CPM: variants seen among roughly 807,000 people sequenced by gnomAD.
The protein encoded by CPM is renal carboxypeptidase.
Under a neutral mutation model 46.4 loss-of-function variants are expected in CPM, and 35 were observed. The observed-to-expected ratio is 0.75, with a 90% CI of 0.58 to 1.00. CPM has a LOEUF of 1.00. Ranked by LOEUF, CPM falls within the 50% of genes least tolerant of loss-of-function variation. CPM has a pLI of 0.00. For missense variants in CPM, 422 were observed against 530.4 expected (o/e 0.80, Z 2.01); for synonymous variants, 195 against 195.3 (o/e 1.00, Z 0.01).
chr12:68,848,719 GT>G, downstream of CPM: 1 of 152,034 alleles, frequency 6.6e-6, no homozygotes. Flanking sequence ...TAAGCTTTTT[GT>G]TTTTTTGGGG....
intron 1 of CPM, among the ~76,000 whole-genome samples, chr12:68,939,178 G>T (rs1888721617): frequency 6.9e-6 from 1 of 144,580 alleles, no homozygotes; most frequent in African/African-American, 2.5e-5. Flanking sequence ...ATATGTATAT[G>T]TTATGTATAT....
chr12:68,916,733 A>G (rs1253774208), intron 2 of CPM, among the ~76,000 whole-genome samples: 1 of 151,996 alleles, frequency 6.6e-6, no homozygotes, highest in African/African-American at 2.4e-5. Flanking sequence ...TACTATAAAT[A>G]CAAAAATTAG....
chr12:68,896,924 T>C (rs1471124348), intron 2 of CPM, among the ~76,000 whole-genome samples: 1 of 148,502 alleles, frequency 6.7e-6, no homozygotes. Context: ...AAAAAAAAAA[T>C]AGAGGAAAAA....
chr12:68,923,401 G>A (rs1185424770), intron 2 of CPM, among the ~76,000 whole-genome samples: 5 of 152,088 alleles, frequency 3.3e-5, no homozygotes, highest in East Asian at 1.9e-4. Context: ...AGATACACAC[G>A]TTCAGGGATT....
At chr12:68,955,818 C>G (rs1374284971) in intron 1 of CPM, among the ~76,000 whole-genome samples, 1 of 152,116 alleles carries the variant, frequency 6.6e-6, no homozygotes, top group Admixed American at 6.5e-5. Context: ...GGGGTTTATA[C>G]AGGCTTTAGA....
intron 1 of CPM, among the ~76,000 whole-genome samples, chr12:68,953,446 T>C (rs1888967718): frequency 6.6e-6 from 1 of 152,246 alleles, no homozygotes; most frequent in East Asian, 1.9e-4. Context: ...CAGTCCTATA[T>C]CCCTGTATTT....
intron 5 of CPM, chr12:68,845,232 A>G (rs1407281070): frequency 4.6e-6 from 1 of 216,874 alleles, no homozygotes; most frequent in Non-Finnish European, 9.3e-6. Flanking sequence ...TCTTCAGCTT[A>G]AAAAATTGTT....
chr12:68,857,646 G>A (rs1379966416), intron 8 of CPM, among the ~76,000 whole-genome samples: 1 of 152,022 alleles, frequency 6.6e-6, no homozygotes, highest in African/African-American at 2.4e-5. Flanking sequence ...AATGGGGAAT[G>A]ACATTTACAT....
chr12:68,843,622 A>G (rs1171290958), intron 5 of CPM: 8 of 226,196 alleles, frequency 3.5e-5, no homozygotes, highest in East Asian at 1.3e-4. Context: ...AATAAAATCA[A>G]CTGAACTGTA....
chr12:68,961,298 C>T (rs905337407), intron 1 of CPM, among the ~76,000 whole-genome samples: 1 of 152,018 alleles, frequency 6.6e-6, no homozygotes, highest in African/African-American at 2.4e-5. Flanking sequence ...GGCACATGCC[C>T]CCATGCCTGG....
At chr12:68,912,615 T>C (rs1057406772) in intron 2 of CPM, among the ~76,000 whole-genome samples, 1 of 152,186 alleles carries the variant, frequency 6.6e-6, no homozygotes, top group Non-Finnish European at 1.5e-5. Context: ...CACCATGACC[T>C]ATGAGCCCAC....
intron 1 of CPM, among the ~76,000 whole-genome samples, chr12:68,950,512 C>T (rs891889869): frequency 5.3e-5 from 8 of 152,124 alleles, no homozygotes; most frequent in Non-Finnish European, 7.4e-5. Context: ...TTGATTGGGC[C>T]ACAGCAGAAG....
chr12:68,954,743 T>C (rs75969557), intron 1 of CPM, among the ~76,000 whole-genome samples: 2 of 150,392 alleles, frequency 1.3e-5, no homozygotes, highest in Admixed American at 1.3e-4. Flanking sequence ...AAAAAAGCAA[T>C]TTTTTTTTAG....
chr12:68,957,689 G>GATTATTATTATTATTATTATT (rs58290286), intron 1 of CPM: 2 of 151,746 alleles, frequency 1.3e-5, no homozygotes, highest in African/African-American at 4.9e-5. Context: ...CTAAAAAGGG[G>GATTATTATTATTATTATTATT]ATTATTATTA....
chr12:68,845,710 C>A, intron 5 of CPM: 1 of 169,106 alleles, frequency 5.9e-6, no homozygotes, highest in Middle Eastern at 2.5e-3. Flanking sequence ...GTCCAGCCAA[C>A]AGCTTAAAGC....
chr12:68,913,708 C>T, intron 2 of CPM: 1 of 365,948 alleles, frequency 2.7e-6, no homozygotes, highest in Non-Finnish European at 5.3e-6. Context: ...GCAAAGGTTC[C>T]TGGTCAATGT....
chr12:68,866,992 G>C lies in CPM; in HGVS notation c.844C>G (p.Leu282Val), dbSNP rs768420844. Residue 282 changes from leucine to valine, a missense_variant, in exon 7 of 9, where the codon CTG (leucine) becomes GTG (valine). Coordinates refer to ENST00000551568, the MANE Select transcript of CPM (RefSeq NM_198320.5). The part of the protein sequence containing the change: ...WAQCFEITLE[L>V]SCCKYPREEK... The stretch of plus-strand genomic sequence containing the variant: ...TCACGAGGATATTTACAGCATGACA[G>C]CTCCAACGTAATTTCAAAACACTGG... 6.2e-7 allele frequency: 1 copy of C among 1,614,086 alleles called. No homozygotes were observed. Among genetic ancestry groups the C allele is most frequent in the Non-Finnish European group, 8.5e-7 (1 of 1,179,948 alleles).
intron 2 of CPM, among the ~76,000 whole-genome samples, chr12:68,921,647 T>C (rs1888047862): frequency 6.6e-6 from 1 of 152,210 alleles, no homozygotes; most frequent in African/African-American, 2.4e-5. Context: ...TTCTCCTACA[T>C]GCCAGTGACT....
rs1401169561 is a variant in CPM at position 68,854,350 on chromosome 12, A to AAAT, written c.*2084_*2086dup. The AAAT allele has an allele frequency of 2.0e-5, 3 of 152,240 alleles. No individual in the cohort carries two copies. The allele number at this position is 152,240 out of a possible 1,614,324, so 9.4% of individuals were successfully genotyped here. ...GGATATAACAATGAATTTTTCAAAC[A>AAAT]AATTAAATAGACCTTGGCCTCAAAG... is the stretch of plus-strand genomic sequence containing the variant. On this transcript the variant is annotated 3_prime_UTR_variant, in exon 9 of 9. Transcript: ENST00000551568.
Sources: gnomAD v4.1 joint callset for allele counts (sites outside exome capture counted in the v4.1 genomes callset) on GRCh38, gnomAD v4.1.1 for gene constraint, MANE v1.5 for transcripts, NCBI Gene and HGNC (gene_info 2026-07-23, HGNC 2026-07-21) for gene names.